PAPPA2: variants seen among roughly 807,000 people sequenced by gnomAD.
PAPPA2 encodes the protein pappalysin 2, also known as pappalysin-2.
In PAPPA2, 86 loss-of-function variants were observed where a neutral mutation model predicts 176.4. The ratio of observed to expected loss-of-function variants is 0.49; its 90% CI spans 0.41 to 0.58. PAPPA2 has a LOEUF of 0.58. Ranked by LOEUF, PAPPA2 falls within the 20% of genes least tolerant of loss-of-function variation. The pLI, the probability that PAPPA2 is intolerant of heterozygous loss-of-function variation, is 0.00. For synonymous variants in PAPPA2, 809 were observed against 852.2 expected (o/e 0.95, Z 0.88); for missense variants, 2,073 against 2,256.9 (o/e 0.92, Z 1.65).
intron 12 of PAPPA2, among the ~76,000 whole-genome samples, chr1:176,735,191 G>T (rs888874452): frequency 6.6e-6 from 1 of 151,982 alleles, no homozygotes; most frequent in South Asian, 2.1e-4. Flanking sequence ...GAGCGCAGTG[G>T]ACCCACCAGC....
At chr1:176,743,675 C>T (rs914588971) in intron 14 of PAPPA2, among the ~76,000 whole-genome samples, 3 of 152,158 alleles carry the variant, frequency 2.0e-5, no homozygotes, top group African/African-American at 7.2e-5. Context: ...AATATGTTAA[C>T]ATACCTAAGT....
intron 14 of PAPPA2, among the ~76,000 whole-genome samples, chr1:176,762,606 T>G (rs193144562): frequency 6.6e-6 from 1 of 152,324 alleles, no homozygotes; most frequent in East Asian, 1.9e-4. Flanking sequence ...GAAGAGATTA[T>G]GTTTGGGACA....
chr1:176,721,638 C>T lies in PAPPA2; in HGVS notation c.3798+9657C>T, dbSNP rs540940480. On this transcript the variant is annotated intron_variant, in intron 12 of 22. Transcript: ENST00000367662. ...ATATTTTGGAGAGTTAGCTGTACAT[C>T]TGATATATATTTCTTTGAAGGCCAT... is the stretch of plus-strand genomic sequence containing the variant. Among the ~76,000 whole-genome samples the T allele has an allele frequency of 2.0e-5, 3 of 152,232 alleles. No individual in the cohort carries two copies. The East Asian group carries it at 5.8e-4, about 29-fold the overall frequency.
chr1:176,658,359 T>A (rs1435972062), intron 3 of PAPPA2, among the ~76,000 whole-genome samples: 2 of 152,034 alleles, frequency 1.3e-5, no homozygotes, highest in African/African-American at 2.4e-5. Context: ...TTCCAGATAC[T>A]ATATATTTTT....
intron 1 of PAPPA2, among the ~76,000 whole-genome samples, chr1:176,470,806 C>T (rs781592527): frequency 2.0e-5 from 3 of 152,322 alleles, no homozygotes; most frequent in East Asian, 1.9e-4. Context: ...TTCCAAGTGG[C>T]GTCTCTTCTA....
rs1321029806 is a variant in PAPPA2, at chr1:176,735,034, G to A, written c.3799-4592G>A. Among the ~76,000 whole-genome samples the A allele has an allele frequency of 2.0e-5, 3 of 152,184 alleles. 1 individual carries two copies. The South Asian group carries it at 6.2e-4, about 32-fold the overall frequency. ...GTCAACATAATACAGAGCTTAAATTGGGAAAAACCAAGTTCCTTCCTCTCT... is the reference window on the plus strand; with the variant it reads ...GTCAACATAATACAGAGCTTAAATTAGGAAAAACCAAGTTCCTTCCTCTCT... On this transcript the variant is annotated intron_variant, in intron 12 of 22. Coordinates refer to ENST00000367662, the MANE Select transcript of PAPPA2 (RefSeq NM_020318.3).
At chr1:176,622,080 T>C (rs1410474693) in intron 3 of PAPPA2, among the ~76,000 whole-genome samples, 1 of 152,178 alleles carries the variant, frequency 6.6e-6, no homozygotes, top group Non-Finnish European at 1.5e-5. Context: ...TTGGGAGTTG[T>C]TGCTTGCAGA....
chr1:176,663,058 C>T (rs990678860), intron 3 of PAPPA2, among the ~76,000 whole-genome samples: 1 of 152,130 alleles, frequency 6.6e-6, no homozygotes, highest in Non-Finnish European at 1.5e-5. Context: ...AGCCTTCACG[C>T]AGGGATCATC....
intron 15 of PAPPA2, among the ~76,000 whole-genome samples, chr1:176,767,945 T>C (rs1664053764): frequency 6.6e-6 from 1 of 152,178 alleles, no homozygotes; most frequent in South Asian, 2.1e-4. Flanking sequence ...AATTGGGTCC[T>C]TCTGGCAAGC....
chr1:176,544,137 AG>A (rs1650501874), intron 1 of PAPPA2, among the ~76,000 whole-genome samples: 1 of 152,216 alleles, frequency 6.6e-6, no homozygotes, highest in African/African-American at 2.4e-5. Context: ...TCCAGAGCCT[AG>A]GGAAGACCTC....
At position 176,666,264 on chromosome 1, in the gene PAPPA2, G is replaced by T. The variant is rs146158200; in HGVS notation, c.1992-4706G>T. Among the ~76,000 whole-genome samples the T allele has an allele frequency of 1.2e-3, 179 of 152,200 alleles. 2 individuals are homozygous for T. In the East Asian group the frequency reaches 0.02, roughly 17 times the overall value. On this transcript the variant is annotated intron_variant, in intron 3 of 22. Coordinates refer to ENST00000367662, the MANE Select transcript of PAPPA2 (RefSeq NM_020318.3). ...TAATAATATAAAAATGCAACAAGAGGTTCCAATAAGAGAATGATTTTTTAA... is the reference window on the plus strand; with the variant it reads ...TAATAATATAAAAATGCAACAAGAGTTTCCAATAAGAGAATGATTTTTTAA...
chr1:176,565,891 C>T (rs1055290928), intron 2 of PAPPA2, among the ~76,000 whole-genome samples: 3 of 152,152 alleles, frequency 2.0e-5, no homozygotes, highest in African/African-American at 7.2e-5. Context: ...CACCAAGCTC[C>T]CTCTTCTGGC....
Position 176,666,636 on chromosome 1 carries a change from A to AGACCCAGT in PAPPA2, c.1992-4323_1992-4316dup, listed in dbSNP as rs377516217. Among the ~76,000 whole-genome samples, 1,496 of 150,766 alleles carry AGACCCAGT rather than the reference A, an allele frequency of 9.9e-3. 24 individuals carry two copies. Among genetic ancestry groups the AGACCCAGT allele is most frequent in the African/African-American group, 0.034 (1,407 of 40,786 alleles). On this transcript the variant is annotated intron_variant, in intron 3 of 22. Transcript: ENST00000367662. ...GAGAGAGAGAGAGAGAGAAAGAGAG[A>AGACCCAGT]GACCCAGTGACCCAGTGATAGAGTT...
chr1:176,609,231 T>G (rs185063161), intron 3 of PAPPA2, among the ~76,000 whole-genome samples: 82 of 152,370 alleles, frequency 5.4e-4, no homozygotes, highest in African/African-American at 1.9e-3. Context: ...AATTATTTGC[T>G]CATTCATATT....
intron 7 of PAPPA2, among the ~76,000 whole-genome samples, chr1:176,698,189 A>G (rs1660472394): frequency 1.3e-5 from 2 of 152,164 alleles, no homozygotes; most frequent in Admixed American, 1.3e-4. Context: ...AAATACTTCT[A>G]CTTTGGTAAA....
At chr1:176,524,164 A>G (rs539303614) in intron 1 of PAPPA2, among the ~76,000 whole-genome samples, 1 of 152,174 alleles carries the variant, frequency 6.6e-6, no homozygotes, top group South Asian at 2.1e-4. Flanking sequence ...TTTTTTTTTC[A>G]GTCATTATGG....
intron 17 of PAPPA2, among the ~76,000 whole-genome samples, chr1:176,772,623 G>A (rs1664283197): frequency 6.6e-6 from 1 of 152,092 alleles, no homozygotes; most frequent in Non-Finnish European, 1.5e-5. Context: ...AGGCTGATTA[G>A]AACATAAACA....
intron 3 of PAPPA2, chr1:176,616,729 T>C (rs1327266679): frequency 3.6e-6 from 5 of 1,379,044 alleles, no homozygotes; most frequent in Admixed American, 1.7e-5. Flanking sequence ...TTGTGTGTAA[T>C]AGGAAATCTC....
In PAPPA2 at chr1:176,472,668, A is replaced by C. The variant is rs190843277; in HGVS notation, c.-917+9250A>C. On this transcript the variant is annotated intron_variant, in intron 1 of 22. Coordinates refer to ENST00000367662, the MANE Select transcript of PAPPA2 (RefSeq NM_020318.3). ...CTACAAAATATATATTTTTAGATAA[A>C]AAATAAATAACCTTATGAGCTCATT... Among the ~76,000 whole-genome samples the C allele has an allele frequency of 7.4e-4, 113 of 152,290 alleles. No homozygotes were observed. The Middle Eastern group carries it at 0.01, about 14-fold the overall frequency.
Sources: gnomAD v4.1 joint callset for allele counts (sites outside exome capture counted in the v4.1 genomes callset) on GRCh38, gnomAD v4.1.1 for gene constraint, MANE v1.5 for transcripts, NCBI Gene and HGNC (gene_info 2026-07-23, HGNC 2026-07-21) for gene names.